Variants in HECW1 observed in about 807,000 individuals in gnomAD.
The protein encoded by HECW1 is E3 ubiquitin-protein ligase HECW1.
In HECW1, 61 loss-of-function variants were observed where a neutral mutation model predicts 182.3. The ratio of observed to expected loss-of-function variants is 0.33; its 90% CI spans 0.27 to 0.41. The LOEUF (loss-of-function observed/expected upper bound fraction) is 0.41. Among genes scored for constraint, HECW1 ranks in the 10% least tolerant of loss-of-function variants. The pLI is 1.00. For missense variants in HECW1, 1,739 were observed against 2,108.9 expected, an observed-to-expected ratio of 0.82 and a Z score of 3.44; for synonymous variants, 859 against 832.6, an observed-to-expected ratio of 1.03 and a Z score of -0.55.
At chr7:43,341,843 A>G (rs1813040183) in intron 5 of HECW1, among the ~76,000 whole-genome samples, 2 of 151,846 alleles carry the variant, frequency 1.3e-5, no homozygotes, top group African/African-American at 4.9e-5. Flanking sequence ...CTGTAATACA[A>G]TAAGATTTTT....
intron 8 of HECW1, among the ~76,000 whole-genome samples, chr7:43,429,680 T>C (rs918074519): frequency 3.3e-5 from 5 of 152,206 alleles, no homozygotes. Context: ...AAAGTAGCTA[T>C]AGTTCACATG....
intron 2 of HECW1, among the ~76,000 whole-genome samples, chr7:43,233,019 C>T (rs760096268): frequency 9.2e-5 from 14 of 152,116 alleles, no homozygotes; most frequent in Admixed American, 2.6e-4. Flanking sequence ...GCCCCTCTGG[C>T]TCATAGTTCT....
chr7:43,510,670 A>G (rs2079818299), intron 24 of HECW1, among the ~76,000 whole-genome samples: 1 of 152,230 alleles, frequency 6.6e-6, no homozygotes. Context: ...CAAGGGAAAA[A>G]TATCGCACTC....
At chr7:43,431,058 G>A (rs980959948) in intron 8 of HECW1, among the ~76,000 whole-genome samples, 2 of 152,090 alleles carry the variant, frequency 1.3e-5, no homozygotes, top group Admixed American at 6.5e-5. Context: ...TTACAGGCAT[G>A]AGCCACCACA....
At chr7:43,466,412 A>G (rs767032692) in intron 14 of HECW1, 35 bp from the exon 15 acceptor site, 8 of 1,608,300 alleles carry the variant, frequency 5.0e-6, no homozygotes, top group Non-Finnish European at 6.8e-6. Context: ...CCTTTTTCCC[A>G]ATGCATTCTG....
intron 3 of HECW1, among the ~76,000 whole-genome samples, chr7:43,259,629 T>TA (rs1800961229): frequency 6.6e-6 from 1 of 151,784 alleles, no homozygotes; most frequent in South Asian, 2.1e-4. Context: ...ATGGGAGCCA[T>TA]AAAAAAGAAA....
At position 43,442,616 on chromosome 7, in the gene HECW1, C is replaced by G; in HGVS notation, c.1032C>G (p.Ser344=). ...TGCAATTCCGATTTGAGATCACTTC[C>G]TCCATCCACCCAGGTATTTTCAGCA... ...GQLQFRFEIT[S]SIHPDDEEIS... is the part of the protein sequence containing the mutation. The change falls in exon 10 of 30, where the codon TCC becomes TCG. Residue 344 remains serine, a synonymous_variant. Coordinates refer to ENST00000395891, the MANE Select transcript of HECW1 (RefSeq NM_015052.5). 6.2e-7 allele frequency: 1 copy of G among 1,610,890 alleles called. No individual in the cohort carries two copies. Among genetic ancestry groups the G allele is most frequent in the Non-Finnish European group, 8.5e-7 (1 of 1,177,122 alleles).
intron 13 of HECW1, 38 bp downstream of exon 13, chr7:43,456,485 A>C (rs773290998): frequency 6.3e-7 from 1 of 1,579,344 alleles, no homozygotes; most frequent in Non-Finnish European, 8.6e-7. Context: ...CCTAAACCAC[A>C]GTGAAAGGAG....
At chr7:43,469,787 T>G (rs76078729) in intron 16 of HECW1, among the ~76,000 whole-genome samples, 1,621 of 152,340 alleles carry the variant, frequency 0.011, 35 homozygotes, top group African/African-American at 0.037. Context: ...CTGTGTAACC[T>G]TCTATGAACT....
At chr7:43,146,144 T>C (rs1313069352) in intron 2 of HECW1, among the ~76,000 whole-genome samples, 1 of 152,238 alleles carries the variant, frequency 6.6e-6, no homozygotes, top group Non-Finnish European at 1.5e-5. Flanking sequence ...TTGCTTCCAA[T>C]TTTGCTTTGT....
intron 8 of HECW1, among the ~76,000 whole-genome samples, chr7:43,435,639 A>G (rs1433889424): frequency 6.6e-6 from 1 of 152,072 alleles, no homozygotes; most frequent in Non-Finnish European, 1.5e-5. Flanking sequence ...ACACTTATTT[A>G]CAGGGGGAGC....
At chr7:43,184,065 T>G (rs7806923) in intron 2 of HECW1, among the ~76,000 whole-genome samples, 152,182 of 152,184 alleles carry the variant, frequency 1, 76,090 homozygotes, top group Non-Finnish European at 1. Flanking sequence ...CCAGGCTGGA[T>G]TGCAGTGGCT....
At chr7:43,277,570 C>T (rs147387802) in intron 3 of HECW1, among the ~76,000 whole-genome samples, 29 of 152,270 alleles carry the variant, frequency 1.9e-4, no homozygotes, top group African/African-American at 6.5e-4. Context: ...CCCTTTGCCA[C>T]CTGCTAGGAT....
intron 2 of HECW1, among the ~76,000 whole-genome samples, chr7:43,175,676 G>A (rs1028190617): frequency 2.6e-5 from 4 of 152,302 alleles, no homozygotes; most frequent in East Asian, 1.9e-4. Context: ...GACCTTGTCC[G>A]TGGATGTAAG....
chr7:43,488,401 A>AGG (rs1563045389), intron 17 of HECW1, among the ~76,000 whole-genome samples: 9 of 121,438 alleles, frequency 7.4e-5, no homozygotes, highest in African/African-American at 2.7e-4. Flanking sequence ...GAAGGAAGGA[A>AGG]ATGAAAGAAA....
chr7:43,487,876 T>C (rs1399032284), intron 17 of HECW1, among the ~76,000 whole-genome samples: 1 of 151,888 alleles, frequency 6.6e-6, no homozygotes, highest in Non-Finnish European at 1.5e-5. Flanking sequence ...GGAAGATTGC[T>C]TGGGCCCAGG....
chr7:43,244,905 T>C (rs1051687497), intron 3 of HECW1, among the ~76,000 whole-genome samples: 1 of 152,236 alleles, frequency 6.6e-6, no homozygotes, highest in African/African-American at 2.4e-5. Flanking sequence ...CGCCCTGAGA[T>C]GTTCAGTGTG....
chr7:43,299,011 G>C (rs192527774), intron 3 of HECW1, among the ~76,000 whole-genome samples: 11 of 152,364 alleles, frequency 7.2e-5, no homozygotes, highest in African/African-American at 2.6e-4. Flanking sequence ...TGAGACTTCT[G>C]AGTTTCTATT....
chr7:43,468,587 T>A (rs974231441), intron 15 of HECW1, among the ~76,000 whole-genome samples: 1 of 151,838 alleles, frequency 6.6e-6, no homozygotes, highest in African/African-American at 2.4e-5. Flanking sequence ...AACGGCACAA[T>A]CATAGCTCAC....
Sources: gnomAD v4.1 joint callset for allele counts (sites outside exome capture counted in the v4.1 genomes callset) on GRCh38, gnomAD v4.1.1 for gene constraint, MANE v1.5 for transcripts, NCBI Gene and HGNC (gene_info 2026-07-23, HGNC 2026-07-21) for gene names.